The following ZNF492 variants were observed in gnomAD, a reference collection of about 807,000 sequenced individuals.
The protein encoded by ZNF492 is zinc finger protein 492.
A neutral mutation model predicts 6.4 loss-of-function variants in ZNF492; 3 were observed. The observed-to-expected ratio is 0.47, with a 90% CI of 0.21 to 1.22. The LOEUF is 1.22. Among genes scored for constraint, ZNF492 ranks in the 50% most tolerant of loss-of-function variants. ZNF492 has a pLI of 0.22. For missense variants in ZNF492, 356 were observed against 612.5 expected (o/e 0.58, Z 4.42); for synonymous variants, 112 against 205.3 (o/e 0.55, Z 3.89).
chr19:22,656,591 A>G (rs892084665), intron 3 of ZNF492, among the ~76,000 whole-genome samples: 2 of 152,176 alleles, frequency 1.3e-5, no homozygotes, highest in Non-Finnish European at 2.9e-5. Context: ...CTGCATGGCT[A>G]TAAAGGGGTG....
At chr19:22,651,275 C>A (rs1462771141) in intron 1 of ZNF492, among the ~76,000 whole-genome samples, 1 of 151,910 alleles carries the variant, frequency 6.6e-6, no homozygotes, top group African/African-American at 2.4e-5. Context: ...CCTCAGGTGC[C>A]AGTGCAGGAT....
At chr19:22,654,321 C>T (rs1374653681) in intron 3 of ZNF492, among the ~76,000 whole-genome samples, 1 of 152,032 alleles carries the variant, frequency 6.6e-6, no homozygotes, top group Admixed American at 6.6e-5. Context: ...TTTGAAAACA[C>T]GTAGATAATC....
intron 3 of ZNF492, among the ~76,000 whole-genome samples, chr19:22,658,972 A>G (rs1246511088): frequency 6.6e-6 from 1 of 151,800 alleles, no homozygotes; most frequent in Non-Finnish European, 1.5e-5. Context: ...TGTTTTTAAT[A>G]TTTTTGGGTA....
chr19:22,662,069 G>A (rs1050459164), intron 3 of ZNF492, among the ~76,000 whole-genome samples: 2 of 152,072 alleles, frequency 1.3e-5, no homozygotes, highest in African/African-American at 4.8e-5. Flanking sequence ...ATGGGTTAAT[G>A]CTATCCTTCC....
At chr19:22,647,906 T>C (rs1347305790) in intron 1 of ZNF492, among the ~76,000 whole-genome samples, 4 of 151,650 alleles carry the variant, frequency 2.6e-5, no homozygotes, top group African/African-American at 9.7e-5. Flanking sequence ...AATTTTGCTA[T>C]TTTTTAGTAG....
At chr19:22,635,641 T>C (rs1242718675) in intron 1 of ZNF492, among the ~76,000 whole-genome samples, 1 of 152,236 alleles carries the variant, frequency 6.6e-6, no homozygotes, top group Admixed American at 6.5e-5. Flanking sequence ...TGTCAAGATG[T>C]TTTTATTTTG....
At chr19:22,641,969 G>A (rs1350610513) in intron 1 of ZNF492, among the ~76,000 whole-genome samples, 2 of 151,598 alleles carry the variant, frequency 1.3e-5, no homozygotes, top group Non-Finnish European at 2.9e-5. Context: ...AATTTTTTGT[G>A]TTTTTAGTAC....
intron 1 of ZNF492, among the ~76,000 whole-genome samples, chr19:22,643,277 A>G (rs1971846776): frequency 6.6e-6 from 1 of 152,174 alleles, no homozygotes; most frequent in Non-Finnish European, 1.5e-5. Flanking sequence ...CTATCCTCAA[A>G]AAAATAAAAA....
chr19:22,636,862 G>C (rs1971772154), intron 1 of ZNF492, among the ~76,000 whole-genome samples: 1 of 150,246 alleles, frequency 6.7e-6, no homozygotes, highest in Non-Finnish European at 1.5e-5. Context: ...TTGAACTCCT[G>C]ACCTCAAGTG....
intron 1 of ZNF492, among the ~76,000 whole-genome samples, chr19:22,639,711 C>CAA (rs34864212): frequency 0.21 from 18,970 of 90,196 alleles, 1,348 homozygotes; most frequent in East Asian, 0.26. Context: ...AACTTGGTCT[C>CAA]AAAAAAAAAA....
At chr19:22,644,367 T>A (rs764167813) in intron 1 of ZNF492, among the ~76,000 whole-genome samples, 1 of 152,052 alleles carries the variant, frequency 6.6e-6, no homozygotes, top group Non-Finnish European at 1.5e-5. Flanking sequence ...ATCTTCTAGG[T>A]GCCCTCCCCT....
chr19:22,658,845 C>T lies in ZNF492; in HGVS notation c.130+4830C>T, dbSNP rs985068111. 6.3e-5 allele frequency among the ~76,000 whole-genome samples: 9 copies of T among 143,192 alleles called. 1 individual carries two copies. The highest frequency in any genetic ancestry group is 4.3e-4 in the South Asian group (2 of 4,642). The allele number at this position is 143,192 out of a possible 152,430, so 93.9% of individuals were successfully genotyped here. A position where few individuals can be genotyped will look rare whatever the true frequency, so the allele number is the denominator to read the frequency against. On this transcript the variant is annotated intron_variant, in intron 3 of 3. Coordinates refer to ENST00000456783, the MANE Select transcript of ZNF492 (RefSeq NM_020855.3). Reference sequence around the variant, plus strand: ...ATATATGTGAGAGTTTATATATGTGCTGCATTCTATTTTATTAGTCTACTT... The same window carrying T: ...ATATATGTGAGAGTTTATATATGTGTTGCATTCTATTTTATTAGTCTACTT...
intron 1 of ZNF492, among the ~76,000 whole-genome samples, chr19:22,636,529 T>TGG (rs1949821501): frequency 6.6e-6 from 1 of 151,260 alleles, no homozygotes; most frequent in African/African-American, 2.4e-5. Flanking sequence ...TGTGTGTGTG[T>TGG]GTGTGTGTGT....
chr19:22,653,789 A>G (rs1375183225), intron 2 of ZNF492, 131 bp from the exon 3 acceptor site: 1 of 841,522 alleles, frequency 1.2e-6, no homozygotes, highest in Non-Finnish European at 1.7e-6. Context: ...AATATTTAAA[A>G]TTTTTTGTTG....
rs2145268869 is a variant in ZNF492 at position 22,667,486 on chromosome 19, T to G, written c.*2221T>G. 1 of 152,202 alleles carries G rather than the reference T, an allele frequency of 6.6e-6. No homozygotes were observed. The highest frequency in any genetic ancestry group is 2.1e-4 in the South Asian group (1 of 4,832). The allele number at this position is 152,202 out of a possible 1,614,324, so 9.4% of individuals were successfully genotyped here. A position where few individuals can be genotyped will look rare whatever the true frequency, so the allele number is the denominator to read the frequency against. ...ACAATATGTAATAATCACATTAGGG[T>G]AAATGAGGTATCCATCACCTTTAGA... On this transcript the variant is annotated 3_prime_UTR_variant, in exon 4 of 4. Coordinates refer to ENST00000456783, the MANE Select transcript of ZNF492 (RefSeq NM_020855.3).
chr19:22,660,519 C>A (rs1045605954), intron 3 of ZNF492, among the ~76,000 whole-genome samples: 16 of 150,478 alleles, frequency 1.1e-4, no homozygotes, highest in African/African-American at 3.7e-4. Context: ...ATAAAAAAAT[C>A]TTCCTCATTA....
Position 22,653,391 on chromosome 19 carries a change from A to G in ZNF492, c.-9A>G. On this transcript the variant is annotated 5_prime_UTR_variant, in exon 2 of 4. The change creates a new upstream start codon in the 5' untranslated region. Coordinates refer to ENST00000456783, the MANE Select transcript of ZNF492 (RefSeq NM_020855.3). Reference sequence around the variant, plus strand: ...GGACACCGCACAGCAGAATTTATATAGGAATGTGATGTTAGAGAACTACAG... The same window carrying G: ...GGACACCGCACAGCAGAATTTATATGGGAATGTGATGTTAGAGAACTACAG... The G allele has an allele frequency of 6.2e-7, 1 of 1,613,972 alleles. No homozygotes were observed. The highest frequency in any genetic ancestry group is 8.5e-7 in the Non-Finnish European group (1 of 1,180,018).
chr19:22,637,112 C>T (rs550756464), intron 1 of ZNF492, among the ~76,000 whole-genome samples: 394 of 150,680 alleles, frequency 2.6e-3, no homozygotes, highest in African/African-American at 8.0e-3. Context: ...CTTGCCACCA[C>T]GCCCGGGTAA....
intron 1 of ZNF492, among the ~76,000 whole-genome samples, chr19:22,648,575 G>A (rs149039267): frequency 2.7e-3 from 406 of 152,296 alleles, no homozygotes; most frequent in African/African-American, 8.0e-3. Context: ...TTGTGTGGGC[G>A]TCTAAGTCTC....
Sources: gnomAD v4.1 joint callset for allele counts (sites outside exome capture counted in the v4.1 genomes callset) on GRCh38, gnomAD v4.1.1 for gene constraint, MANE v1.5 for transcripts, NCBI Gene and HGNC (gene_info 2026-07-23, HGNC 2026-07-21) for gene names.